The following ZMYND8 variants were observed in gnomAD, a reference collection of about 807,000 sequenced individuals.
The protein encoded by ZMYND8 is zinc finger MYND-type containing 8, also known as MYND-type zinc finger-containing chromatin reader ZMYND8.
A neutral mutation model predicts 140.8 loss-of-function variants in ZMYND8; 37 were observed. That is an observed-to-expected ratio of 0.26 (90% CI 0.20 to 0.35). The LOEUF (loss-of-function observed/expected upper bound fraction) is 0.35. Among genes scored for constraint, ZMYND8 ranks in the 10% least tolerant of loss-of-function variants. The probability of loss-of-function intolerance (pLI) is 1.00; values close to 1 mark genes in which losing one functional copy is unlikely to be tolerated. For synonymous variants in ZMYND8, 592 were observed against 597.1 expected (o/e 0.99, Z 0.12); for missense variants, 1,068 against 1,570.0 (o/e 0.68, Z 5.40).
chr20:47,291,431 C>T (rs2077257528), intron 6 of ZMYND8, among the ~76,000 whole-genome samples: 1 of 152,194 alleles, frequency 6.6e-6, no homozygotes, highest in Non-Finnish European at 1.5e-5. Context: ...TTCCCAGACA[C>T]TTAATTTTCT....
At chr20:47,325,502 G>T (rs1319168103) in intron 2 of ZMYND8, among the ~76,000 whole-genome samples, 1 of 152,154 alleles carries the variant, frequency 6.6e-6, no homozygotes, top group Non-Finnish European at 1.5e-5. Flanking sequence ...AAGGCAGCAG[G>T]GTAGCGAAGT....
intron 15 of ZMYND8, chr20:47,238,193 C>T (rs2039481832): frequency 6.4e-6 from 1 of 156,624 alleles, no homozygotes; most frequent in African/African-American, 2.4e-5. Context: ...TACTATGCAG[C>T]AGTCCAAAAG....
At chr20:47,301,805 T>A (rs2078067754) in intron 3 of ZMYND8, among the ~76,000 whole-genome samples, 1 of 152,128 alleles carries the variant, frequency 6.6e-6, no homozygotes. Context: ...TTTGGCTGTG[T>A]CCCCACCCAA....
chr20:47,220,116 G>T, intron 21 of ZMYND8, 142 bp downstream of exon 21: 14 of 594,778 alleles, frequency 2.4e-5, no homozygotes, highest in South Asian at 4.4e-5. Context: ...CACCCCCACT[G>T]ACCCACCCCA....
chr20:47,230,965 C>T (rs899664703), intron 16 of ZMYND8, among the ~76,000 whole-genome samples: 6 of 152,198 alleles, frequency 3.9e-5, no homozygotes, highest in African/African-American at 7.2e-5. Context: ...CTGTGACTCG[C>T]GCATCCGTGC....
rs1205901700 is a variant in ZMYND8 at position 47,283,670 on chromosome 20, G to T, written c.805-22C>A. The T allele has an allele frequency of 4.3e-6, 7 of 1,609,930 alleles. No individual in the cohort carries two copies. In the African/African-American group the frequency reaches 9.4e-5, roughly 22 times the overall value. ...TCATCTGTAAAGCAAAAATACATTA[G>T]AATGTGTCACCCCAGGGGTGGATAT... On this transcript the variant is annotated intron_variant, in intron 8 of 22. Coordinates refer to ENST00000471951, the MANE Select transcript of ZMYND8 (RefSeq NM_001281775.3).
chr20:47,283,750 C>G (rs996626669), intron 8 of ZMYND8, 102 bp from the exon 9 acceptor site: 1 of 1,173,700 alleles, frequency 8.5e-7, no homozygotes, highest in Non-Finnish European at 1.2e-6. Flanking sequence ...GTTTTAAAGT[C>G]CCATAGAGGG....
intron 10 of ZMYND8, among the ~76,000 whole-genome samples, chr20:47,279,676 T>A (rs1207776378): frequency 6.6e-6 from 1 of 151,506 alleles, no homozygotes; most frequent in Non-Finnish European, 1.5e-5. Context: ...TTCTTATTGA[T>A]AAAATAGACA....
Position 47,243,125 on chromosome 20 carries a change from T to C in ZMYND8, c.2284+2883A>G, listed in dbSNP as rs553839796. Among the ~76,000 whole-genome samples the C allele has an allele frequency of 1.8e-4, 27 of 152,350 alleles. 1 individual carries two copies. The South Asian group carries it at 5.6e-3, about 32-fold the overall frequency. ...GCTTCTGTTCTGAGGTTATTAGCTA[T>C]AAAAGCTGTTTTGCCATCTGAAGAT... On this transcript the variant is annotated intron_variant, in intron 14 of 22. Coordinates refer to ENST00000471951, the MANE Select transcript of ZMYND8 (RefSeq NM_001281775.3).
chr20:47,255,764 A>C (rs2074637684), intron 12 of ZMYND8, among the ~76,000 whole-genome samples: 1 of 74,394 alleles, frequency 1.3e-5, no homozygotes, highest in Non-Finnish European at 2.4e-5. Context: ...ATATATATAT[A>C]CGGTATATAT....
rs147000105 is a variant in ZMYND8 at position 47,256,598 on chromosome 20, C to T, written c.1621+5690G>A. Among the ~76,000 whole-genome samples the T allele has an allele frequency of 2.1e-3, 322 of 152,230 alleles. 1 individual carries two copies. The highest frequency in any genetic ancestry group is 9.3e-3 in the East Asian group (48 of 5,178). On this transcript the variant is annotated intron_variant, in intron 12 of 22. Transcript: ENST00000471951. ...TCGCGCCACTGCACTCCAGCGTGGGCGACAGAGCAAGACTCCATCTCAAAA... is the reference window on the plus strand; with the variant it reads ...TCGCGCCACTGCACTCCAGCGTGGGTGACAGAGCAAGACTCCATCTCAAAA...
At chr20:47,271,734 A>AC (rs2075959410) in intron 11 of ZMYND8, among the ~76,000 whole-genome samples, 2 of 151,984 alleles carry the variant, frequency 1.3e-5, no homozygotes. Context: ...AGGCTGGAGT[A>AC]CAGTGGCGTG....
chr20:47,245,331 C>T (rs2040436257), intron 14 of ZMYND8, among the ~76,000 whole-genome samples: 1 of 152,128 alleles, frequency 6.6e-6, no homozygotes, highest in South Asian at 2.1e-4. Context: ...ACTGCAACCT[C>T]CGCCTCCTGG....
chr20:47,263,216 G>A (rs972368392), intron 11 of ZMYND8, among the ~76,000 whole-genome samples: 4 of 152,160 alleles, frequency 2.6e-5, no homozygotes, highest in African/African-American at 9.7e-5. Flanking sequence ...CCCCTCCATG[G>A]TACTGGGACT....
At chr20:47,304,046 T>C (rs1257221372) in intron 3 of ZMYND8, among the ~76,000 whole-genome samples, 1 of 152,176 alleles carries the variant, frequency 6.6e-6, no homozygotes, top group African/African-American at 2.4e-5. Context: ...ATAACAAATA[T>C]GGAACATTTT....
chr20:47,227,998 C>T (rs1274391964), intron 17 of ZMYND8, among the ~76,000 whole-genome samples: 3 of 150,788 alleles, frequency 2.0e-5, no homozygotes, highest in East Asian at 1.9e-4. Context: ...GATGCTGAGG[C>T]ATGAGAATCA....
chr20:47,331,474 A>AGGTC (rs1282470276), intron 2 of ZMYND8, among the ~76,000 whole-genome samples: 4 of 152,204 alleles, frequency 2.6e-5, no homozygotes, highest in Non-Finnish European at 5.9e-5. Flanking sequence ...ACAGGCAGGG[A>AGGTC]GGTCAGGTAG....
chr20:47,318,440 G>C, intron 2 of ZMYND8: 1 of 333,618 alleles, frequency 3.0e-6, no homozygotes, highest in Non-Finnish European at 5.8e-6. Context: ...AATATTTGGG[G>C]CCCTCCCCAA....
intron 1 of ZMYND8, chr20:47,355,705 A>G (rs2083173002): frequency 6.3e-6 from 1 of 157,562 alleles, no homozygotes; most frequent in East Asian, 1.9e-4. Flanking sequence ...AGGGACAGGA[A>G]AATGAAAACA....
Sources: gnomAD v4.1 joint callset for allele counts (sites outside exome capture counted in the v4.1 genomes callset) on GRCh38, gnomAD v4.1.1 for gene constraint, MANE v1.5 for transcripts, NCBI Gene and HGNC (gene_info 2026-07-23, HGNC 2026-07-21) for gene names.